The following BNC2 variants were observed in gnomAD, a reference collection of about 807,000 sequenced individuals.
The protein encoded by BNC2 is basonuclin zinc finger protein 2, also known as zinc finger protein basonuclin-2.
Under a neutral mutation model 76.3 loss-of-function variants are expected in BNC2, and 20 were observed. The ratio of observed to expected loss-of-function variants is 0.26; its 90% CI spans 0.18 to 0.38. BNC2 has a LOEUF of 0.38. Ranked by LOEUF, BNC2 falls within the 10% of genes least tolerant of loss-of-function variation. The pLI is 1.00. For synonymous variants in BNC2, 582 were observed against 514.8 expected (o/e 1.13, Z -1.77); for missense variants, 1,382 against 1,399.8 (o/e 0.99, Z 0.20).
intron 3 of BNC2, among the ~76,000 whole-genome samples, chr9:16,662,364 G>T (rs1267278929): frequency 6.6e-6 from 1 of 152,170 alleles, no homozygotes; most frequent in Non-Finnish European, 1.5e-5. Flanking sequence ...TAAATTCTAG[G>T]AGTCATACCT....
intron 3 of BNC2, among the ~76,000 whole-genome samples, chr9:16,613,182 A>C (rs555587069): frequency 2.0e-5 from 3 of 152,264 alleles, no homozygotes; most frequent in African/African-American, 7.2e-5. Context: ...AACACTGACA[A>C]TTTCCAAGCA....
At chr9:16,441,253 A>G (rs1047189846) in intron 5 of BNC2, among the ~76,000 whole-genome samples, 1 of 152,196 alleles carries the variant, frequency 6.6e-6, no homozygotes. Flanking sequence ...GCAGTGAGCC[A>G]TGATAGTGCC....
intron 5 of BNC2, among the ~76,000 whole-genome samples, chr9:16,540,703 T>C (rs1054081792): frequency 5.3e-5 from 8 of 152,222 alleles, no homozygotes; most frequent in Non-Finnish European, 1.2e-4. Context: ...TAAGTCGCTC[T>C]TTTGACAGGA....
Position 16,609,025 on chromosome 9 carries a change from T to G in BNC2, c.331-25940A>C, listed in dbSNP as rs548597700. Among the ~76,000 whole-genome samples, 9 of 152,318 alleles carry G rather than the reference T, an allele frequency of 5.9e-5. No homozygotes were observed. In the East Asian group the frequency reaches 1.7e-3, roughly 29 times the overall value. The stretch of plus-strand genomic sequence containing the variant: ...GATCTTGGGATTTTTCTGTGTTTCT[T>G]TAGCACCTAGAACACAGCCTTGTGA... On this transcript the variant is annotated intron_variant, in intron 3 of 6. Coordinates refer to ENST00000380672, the MANE Select transcript of BNC2 (RefSeq NM_017637.6).
chr9:16,779,438 T>C (rs770958579), intron 1 of BNC2, among the ~76,000 whole-genome samples: 48 of 152,036 alleles, frequency 3.2e-4, no homozygotes, highest in Non-Finnish European at 1.0e-4. Context: ...CCCAACAACA[T>C]ATAAGCTTAA....
In BNC2 at chr9:16,480,644, G is replaced by C. The variant is rs1202934632; in HGVS notation, c.670-43120C>G. On this transcript the variant is annotated intron_variant, in intron 5 of 6. Coordinates refer to ENST00000380672, the MANE Select transcript of BNC2 (RefSeq NM_017637.6). ...GCTGGACCGGGCAATGAGGGGTTTA[G>C]CACCCGGGCCAGCGGCTGCGGAGGG... Among the ~76,000 whole-genome samples, 5 of 152,208 alleles carry C rather than the reference G, an allele frequency of 3.3e-5. No individual in the cohort carries two copies. In the East Asian group the frequency reaches 9.6e-4, roughly 29 times the overall value.
chr9:16,580,283 G>A (rs1285678983), intron 4 of BNC2: 3 of 397,398 alleles, frequency 7.5e-6, no homozygotes. Context: ...AATGGGGAGA[G>A]TGTGGGATTC....
intron 3 of BNC2, among the ~76,000 whole-genome samples, chr9:16,593,677 A>G (rs1819993185): frequency 6.6e-6 from 1 of 151,882 alleles, no homozygotes; most frequent in East Asian, 1.9e-4. Flanking sequence ...ACATTTAACA[A>G]TTAAGATACT....
intron 5 of BNC2, among the ~76,000 whole-genome samples, chr9:16,482,694 A>G (rs1822084007): frequency 2.0e-5 from 3 of 152,228 alleles, no homozygotes; most frequent in Admixed American, 1.3e-4. Flanking sequence ...AATAACTGGG[A>G]TCACAAGAAA....
intron 6 of BNC2, among the ~76,000 whole-genome samples, chr9:16,434,551 T>C (rs1208874848): frequency 2.0e-5 from 3 of 152,254 alleles, no homozygotes; most frequent in Non-Finnish European, 4.4e-5. Context: ...TGACCCGAGT[T>C]GGGCTGGTGG....
intron 5 of BNC2, among the ~76,000 whole-genome samples, chr9:16,461,447 T>C (rs1008630409): frequency 6.6e-6 from 1 of 152,214 alleles, no homozygotes; most frequent in Admixed American, 6.5e-5. Context: ...ATCTTTAAAA[T>C]GAAGCAATTG....
chr9:16,541,140 G>A (rs535877052), intron 5 of BNC2, among the ~76,000 whole-genome samples: 9 of 152,256 alleles, frequency 5.9e-5, no homozygotes, highest in Non-Finnish European at 1.3e-4. Context: ...AATCTCCATC[G>A]ATGTGTGGCT....
intron 1 of BNC2, among the ~76,000 whole-genome samples, chr9:16,846,712 C>T (rs1038402896): frequency 6.6e-6 from 1 of 152,160 alleles, no homozygotes. Context: ...GAAAATTCTA[C>T]AATACACTTT....
intron 5 of BNC2, among the ~76,000 whole-genome samples, chr9:16,521,106 G>C (rs1046396195): frequency 6.6e-6 from 1 of 152,188 alleles, no homozygotes; most frequent in Non-Finnish European, 1.5e-5. Flanking sequence ...GTGATAAAGA[G>C]ACAGAATTTA....
At chr9:16,790,944 G>A (rs1201891843) in intron 1 of BNC2, among the ~76,000 whole-genome samples, 1 of 149,550 alleles carries the variant, frequency 6.7e-6, no homozygotes, top group East Asian at 2.0e-4. Flanking sequence ...CCATTTTTAT[G>A]AAATGCTACA....
At chr9:16,721,469 T>A (rs868058497) in intron 3 of BNC2, among the ~76,000 whole-genome samples, 1 of 152,098 alleles carries the variant, frequency 6.6e-6, no homozygotes, top group Non-Finnish European at 1.5e-5. Context: ...AAAAATGGCA[T>A]CAGCTTTGGC....
At chr9:16,508,821 C>CTT (rs386414529) in intron 5 of BNC2, among the ~76,000 whole-genome samples, 2,358 of 143,412 alleles carry the variant, frequency 0.016, 68 homozygotes, top group African/African-American at 0.054. Flanking sequence ...TTTTGCACAT[C>CTT]TTTTTTTTTT....
chr9:16,780,254 AAAC>A (rs1158777265), intron 1 of BNC2, among the ~76,000 whole-genome samples: 15 of 134,736 alleles, frequency 1.1e-4, no homozygotes, highest in African/African-American at 3.2e-4. Context: ...AAAAAAAAAA[AAAC>A]AAAAAAAAAC....
chr9:16,497,939 C>T (rs144293592), intron 5 of BNC2, among the ~76,000 whole-genome samples: 1 of 149,428 alleles, frequency 6.7e-6, no homozygotes, highest in East Asian at 2.0e-4. Context: ...TGGAACCAAC[C>T]CAAATGCCCA....
Sources: allele counts gnomAD v4.1 joint callset (sites outside exome capture counted in the v4.1 genomes callset), GRCh38; gene constraint gnomAD v4.1.1; transcripts MANE v1.5; gene names NCBI Gene and HGNC (gene_info 2026-07-23, HGNC 2026-07-21).